SLC14A2: variants seen among roughly 807,000 people sequenced by gnomAD.
SLC14A2 encodes the protein urea transporter 2.
In SLC14A2, 91 loss-of-function variants were observed where a neutral mutation model predicts 104.6. The ratio of observed to expected loss-of-function variants is 0.87; its 90% confidence interval spans 0.73 to 1.04. The LOEUF is 1.04. Among genes scored for constraint, SLC14A2 ranks in the 50% least tolerant of loss-of-function variants. The pLI is 0.00. For missense variants in SLC14A2, 1,189 were observed against 1,156.0 expected (o/e 1.03, Z -0.41); for synonymous variants, 476 against 466.4 (o/e 1.02, Z -0.27).
Position 45,576,733 on chromosome 18 carries a change from C to T in SLC14A2, c.-34-47898C>T, listed in dbSNP as rs111294156. ...CTACACTGTGTTTTAAAATTTAGCCCGCATTATTCAGATGTGGTGAGGCCA... is the reference window on the plus strand; with the variant it reads ...CTACACTGTGTTTTAAAATTTAGCCTGCATTATTCAGATGTGGTGAGGCCA... On this transcript the variant is annotated intron_variant, in intron 2 of 20. Transcript: ENST00000586448. Among the ~76,000 whole-genome samples the T allele has an allele frequency of 7.5e-3, 1,138 of 152,164 alleles. 11 individuals are homozygous for T. The highest frequency in any genetic ancestry group is 0.026 in the African/African-American group (1,087 of 41,506).
intron 2 of SLC14A2, among the ~76,000 whole-genome samples, chr18:45,497,596 G>A (rs2612539): frequency 0.98 from 149,878 of 152,296 alleles, 73,796 homozygotes; most frequent in Middle Eastern, 1. Context: ...TCCATTTCCA[G>A]CTTTGATGTA....
intron 1 of SLC14A2, among the ~76,000 whole-genome samples, chr18:45,348,828 G>T (rs938729032): frequency 6.6e-6 from 1 of 152,204 alleles, no homozygotes; most frequent in Admixed American, 6.5e-5. Flanking sequence ...TAATGATCAA[G>T]CTCAAGCATC....
intron 10 of SLC14A2, among the ~76,000 whole-genome samples, chr18:45,662,841 AC>A (rs1162584473): frequency 6.6e-6 from 1 of 151,950 alleles, no homozygotes; most frequent in Non-Finnish European, 1.5e-5. Context: ...AAAACTGCAT[AC>A]CCCCCAGGAT....
intron 1 of SLC14A2, among the ~76,000 whole-genome samples, chr18:45,621,551 T>C (rs1234671309): frequency 6.6e-6 from 1 of 152,200 alleles, no homozygotes; most frequent in African/African-American, 2.4e-5. Flanking sequence ...GTTCCCTATC[T>C]ATCAGTCACC....
the SLC14A2 span, among the ~76,000 whole-genome samples, chr18:45,193,507 G>A: frequency 6.6e-6 from 1 of 152,138 alleles, no homozygotes; most frequent in South Asian, 2.1e-4. Flanking sequence ...TACCTTTGCA[G>A]AAAATAAGTT....
chr18:45,426,047 G>A (rs529093506), intron 1 of SLC14A2, among the ~76,000 whole-genome samples: 2 of 152,224 alleles, frequency 1.3e-5, no homozygotes, highest in African/African-American at 4.8e-5. Context: ...GTCCCTGGGA[G>A]CAAAGGGGAA....
chr18:45,360,357 T>C (rs2085598294), intron 1 of SLC14A2, among the ~76,000 whole-genome samples: 1 of 152,248 alleles, frequency 6.6e-6, no homozygotes, highest in South Asian at 2.1e-4. Flanking sequence ...CTTCTATTTC[T>C]TTGTGTCCCC....
chr18:45,430,916 T>A (rs1353177381), intron 1 of SLC14A2, among the ~76,000 whole-genome samples: 2 of 152,200 alleles, frequency 1.3e-5, no homozygotes, highest in African/African-American at 4.8e-5. Flanking sequence ...GGAGACCTTT[T>A]AGCCTTTGCC....
intron 1 of SLC14A2, among the ~76,000 whole-genome samples, chr18:45,477,089 G>A (rs2087395892): frequency 6.6e-6 from 1 of 152,162 alleles, no homozygotes; most frequent in Non-Finnish European, 1.5e-5. Flanking sequence ...CAGCCTTTTT[G>A]CACTGGTTTT....
At chr18:45,570,440 C>A (rs2044328108) in intron 2 of SLC14A2, among the ~76,000 whole-genome samples, 1 of 152,142 alleles carries the variant, frequency 6.6e-6, no homozygotes, top group Admixed American at 6.5e-5. Flanking sequence ...TACCCAAATA[C>A]CAGAATCTGA....
intron 1 of SLC14A2, among the ~76,000 whole-genome samples, chr18:45,440,075 G>A (rs1414743324): frequency 1.3e-5 from 2 of 152,130 alleles, no homozygotes; most frequent in African/African-American, 4.8e-5. Context: ...GCTAAAAAGA[G>A]GCCTGTGTAG....
intron 1 of SLC14A2, among the ~76,000 whole-genome samples, chr18:45,224,247 A>G (rs1026947600): frequency 2.6e-5 from 4 of 152,240 alleles, no homozygotes; most frequent in African/African-American, 7.2e-5. Context: ...GCTGGGAGGC[A>G]GAGAGATGCG....
the SLC14A2 span, among the ~76,000 whole-genome samples, chr18:45,174,740 A>AG: frequency 6.6e-6 from 1 of 152,150 alleles, no homozygotes; most frequent in South Asian, 2.1e-4. Context: ...GCAGGGTAGC[A>AG]GGGGACAGGA....
At chr18:45,665,327 TC>T (rs1158272101) in intron 11 of SLC14A2, among the ~76,000 whole-genome samples, 3 of 152,094 alleles carry the variant, frequency 2.0e-5, no homozygotes, top group Non-Finnish European at 2.9e-5. Context: ...GAAGGAAACT[TC>T]CAGGGGCCTG....
chr18:45,508,285 C>T, intron 2 of SLC14A2, among the ~76,000 whole-genome samples: 1 of 152,172 alleles, frequency 6.6e-6, no homozygotes, highest in East Asian at 1.9e-4. Context: ...ATTGTATCCC[C>T]ATCCAAATCT....
chr18:45,639,340 T>C (rs1281456756), intron 6 of SLC14A2, among the ~76,000 whole-genome samples: 1 of 152,190 alleles, frequency 6.6e-6, no homozygotes, highest in Non-Finnish European at 1.5e-5. Flanking sequence ...AAATCATACA[T>C]CAAAATGGCC....
chr18:45,369,286 T>A (rs574165147), intron 1 of SLC14A2, among the ~76,000 whole-genome samples: 4 of 152,324 alleles, frequency 2.6e-5, no homozygotes, highest in Admixed American at 1.3e-4. Context: ...TTTCTACCTA[T>A]GCACTTCTCT....
At chr18:45,672,107 G>A (rs2046149873) in intron 16 of SLC14A2, among the ~76,000 whole-genome samples, 1 of 152,172 alleles carries the variant, frequency 6.6e-6, no homozygotes, top group Non-Finnish European at 1.5e-5. Context: ...GGCCGCTCCT[G>A]TAGATACTAG....
intron 1 of SLC14A2, among the ~76,000 whole-genome samples, chr18:45,381,423 TA>T (rs1359856185): frequency 6.6e-6 from 1 of 152,236 alleles, no homozygotes; most frequent in Non-Finnish European, 1.5e-5. Context: ...CTCTTGAACT[TA>T]TTTTCTGTGG....
Sources: gnomAD v4.1 joint callset for allele counts (sites outside exome capture counted in the v4.1 genomes callset) on GRCh38, gnomAD v4.1.1 for gene constraint, MANE v1.5 for transcripts, NCBI Gene and HGNC (gene_info 2026-07-23, HGNC 2026-07-21) for gene names.